MORN1: variants seen among roughly 807,000 people sequenced by gnomAD.
MORN1 encodes the protein MORN repeat containing 1, also known as MORN repeat-containing protein 1.
In MORN1, 67 loss-of-function variants were observed where a neutral mutation model predicts 61.9. The ratio of observed to expected loss-of-function variants is 1.08; its 90% CI spans 0.89 to 1.33. The LOEUF is 1.33. Ranked by LOEUF, MORN1 falls within the 40% of genes most tolerant of loss-of-function variation. The pLI is 0.00. For synonymous variants in MORN1, 301 were observed against 292.0 expected (o/e 1.03, Z -0.31); for missense variants, 752 against 691.2 (o/e 1.09, Z -0.99).
In MORN1 at chr1:2,324,038, G is replaced by A. The variant is rs3737636; in HGVS notation, c.1297+59C>T. On this transcript the variant is annotated intron_variant, in intron 13 of 13. Transcript: ENST00000378531. ...AACCCCACCTCCAGCCCTGGGCTGC[G>A]GCCTCGCCTCTCCAGACAGTGGCAC... The A allele has an allele frequency of 4.4e-5, 68 of 1,541,584 alleles. 1 individual carries two copies. Among genetic ancestry groups the A allele is most frequent in the East Asian group, 3.4e-4 (14 of 41,248 alleles).
At chr1:2,381,973 G>A (rs551181896) in intron 6 of MORN1, among the ~76,000 whole-genome samples, 5 of 152,160 alleles carry the variant, frequency 3.3e-5, no homozygotes, top group African/African-American at 1.2e-4. Flanking sequence ...GAGGGAGGGC[G>A]CCGTCCCTTG....
chr1:2,346,591 G>A (rs1641520312), intron 10 of MORN1, among the ~76,000 whole-genome samples: 1 of 152,130 alleles, frequency 6.6e-6, no homozygotes, highest in East Asian at 1.9e-4. Flanking sequence ...TTGCCATGTT[G>A]CCCAGGCTGG....
At chr1:2,333,258 C>T (rs1809821) in intron 12 of MORN1, among the ~76,000 whole-genome samples, 26,183 of 152,226 alleles carry the variant, frequency 0.17, 2,761 homozygotes, top group South Asian at 0.25. Flanking sequence ...TGCAACAGGC[C>T]GGGGACAGGC....
Position 2,329,195 on chromosome 1 carries a change from G to A in MORN1, c.1251-5052C>T, listed in dbSNP as rs527579280. ...ACGGCCGCCCTGCCCCAGCCCCTCC[G>A]TCTGCTGTGGGGTTATCATTCCACA... On this transcript the variant is annotated intron_variant, in intron 12 of 13. Coordinates refer to ENST00000378531, the MANE Select transcript of MORN1 (RefSeq NM_024848.3). Among the ~76,000 whole-genome samples, 169 of 152,246 alleles carry A rather than the reference G, an allele frequency of 1.1e-3. 1 individual carries two copies. The highest frequency in any genetic ancestry group is 3.9e-3 in the African/African-American group (161 of 41,548).
intron 8 of MORN1, 124 bp from the exon 9 acceptor site, chr1:2,358,839 G>T: frequency 8.1e-7 from 1 of 1,227,512 alleles, no homozygotes; most frequent in Non-Finnish European, 1.1e-6. Flanking sequence ...GCCAGTGGCT[G>T]TGACCCTGGT....
intron 13 of MORN1, chr1:2,322,328 G>A (rs920517036): frequency 6.1e-5 from 60 of 985,310 alleles, no homozygotes; most frequent in East Asian, 1.1e-4. Flanking sequence ...CGGCTGGCCC[G>A]GGCTCACACC....
Position 2,321,314 on chromosome 1 carries a change from A to T in MORN1, c.*69T>A, listed in dbSNP as rs186364345. On this transcript the variant is annotated 3_prime_UTR_variant, in exon 14 of 14. Transcript: ENST00000378531. ...ACGGGGCTCTGGAGAATCGGGGAGC[A>T]GAGTCACGCAAGCAGAGGCAGCGTT... 22 of 1,156,844 alleles carry T rather than the reference A, an allele frequency of 1.9e-5. No individual in the cohort carries two copies. Among genetic ancestry groups the T allele is most frequent in the Non-Finnish European group, 2.4e-5 (20 of 846,508 alleles). The allele number at this position is 1,156,844 out of a possible 1,614,324, so 71.7% of individuals were successfully genotyped here. A position where few individuals can be genotyped will look rare whatever the true frequency, so the allele number is the denominator to read the frequency against.
rs1641283418 is a variant in MORN1 at position 2,336,545 on chromosome 1, C to A, written c.1174G>T (p.Ala392Ser). 6.2e-7 allele frequency: 1 copy of A among 1,612,676 alleles called. No homozygotes were observed. Among genetic ancestry groups the A allele is most frequent in the Non-Finnish European group, 8.5e-7 (1 of 1,179,650 alleles). The stretch of plus-strand genomic sequence containing the variant: ...AGGCCGCCTCTGGATCTGCCGCCTG[C>A]CTTCTAGAAAGATTGGGCAGGAGGA... ...FLFLDSLHKKAGGRSRGGLHP... is the reference protein window; with the variant it reads ...FLFLDSLHKKSGGRSRGGLHP... Residue 392 changes from alanine (A) to serine (S), a missense_variant, in exon 12 of 14, where the codon GCA (alanine) becomes TCA (serine). Physicochemically the swap from Ala to Ser is moderately conservative, Grantham distance 99. Transcript: ENST00000378531.
chr1:2,324,267 T>C lies in MORN1; in HGVS notation c.1251-124A>G, dbSNP rs1357056472. The C allele has an allele frequency of 5.2e-6, 5 of 964,736 alleles. No homozygotes were observed. The Admixed American group carries it at 9.7e-5, about 19-fold the overall frequency. 59.8% of individuals were successfully genotyped at this position (964,736 alleles called of 1,614,324 possible). A position where few individuals can be genotyped will look rare whatever the true frequency, so the allele number is the denominator to read the frequency against. On this transcript the variant is annotated intron_variant, in intron 12 of 13. Transcript: ENST00000378531. Reference sequence around the variant, plus strand: ...TCAGGGCCCCAGCACAGCAGAGGCCTGCGAACCCCACCTCGGGGCCATGGG... The same window carrying C: ...TCAGGGCCCCAGCACAGCAGAGGCCCGCGAACCCCACCTCGGGGCCATGGG...
rs769942673 is a variant in MORN1 at position 2,385,810 on chromosome 1, A to C, written c.446T>G (p.Phe149Cys). ...NKRHGPGQML[F>C]QNGDKYDGDW... ...TACCCACAAGACTCATACTCACTGA[A>C]AGAGCATCTGCCCAGGGCCGTGCCT... The change falls in exon 5 of 14, where the codon TTT (phenylalanine) becomes TGT (cysteine). Residue 149 changes from phenylalanine (F) to cysteine (C), a missense_variant. Coordinates refer to ENST00000378531, the MANE Select transcript of MORN1 (RefSeq NM_024848.3). The C allele has an allele frequency of 1.9e-6, 3 of 1,613,706 alleles. No individual in the cohort carries two copies. Among genetic ancestry groups the C allele is most frequent in the Non-Finnish European group, 8.5e-7 (1 of 1,179,834 alleles).
At chr1:2,379,106 C>T (rs1642313229) in intron 6 of MORN1, 1 of 471,184 alleles carries the variant, frequency 2.1e-6, no homozygotes, top group Non-Finnish European at 4.4e-6. Context: ...GCAGAAAACA[C>T]ACCTGCTGTC....
intron 10 of MORN1, among the ~76,000 whole-genome samples, chr1:2,341,713 A>G (rs571763279): frequency 1.3e-3 from 192 of 152,232 alleles, no homozygotes; most frequent in African/African-American, 4.4e-3. Flanking sequence ...AAAAAAAAGA[A>G]AAAGAAAAGG....
At chr1:2,374,417 C>G in intron 7 of MORN1, 44 bp downstream of exon 7, 1 of 1,516,360 alleles carries the variant, frequency 6.6e-7, no homozygotes, top group Non-Finnish European at 9.0e-7. Context: ...GGACACACCC[C>G]ACAGTGGACC....
intron 10 of MORN1, among the ~76,000 whole-genome samples, chr1:2,345,036 G>A (rs1434273072): frequency 6.6e-6 from 1 of 152,002 alleles, no homozygotes; most frequent in East Asian, 1.9e-4. Flanking sequence ...AGCACTCATA[G>A]ATGACCATAT....
At chr1:2,374,206 G>A (rs891387397) in intron 7 of MORN1, among the ~76,000 whole-genome samples, 1 of 152,236 alleles carries the variant, frequency 6.6e-6, no homozygotes, top group African/African-American at 2.4e-5. Context: ...GGCCACTTGG[G>A]GGACAGCGCA....
chr1:2,352,440 T>C (rs1641670481), intron 10 of MORN1: 1 of 152,588 alleles, frequency 6.6e-6, no homozygotes, highest in South Asian at 2.1e-4. Context: ...GCCACTCTAG[T>C]GTTGTTTGCT....
At chr1:2,325,121 C>CCCTT (rs1241428480) in intron 12 of MORN1, among the ~76,000 whole-genome samples, 7 of 86,720 alleles carry the variant, frequency 8.1e-5, no homozygotes, top group Admixed American at 1.1e-4. Flanking sequence ...TCCCTTCCTT[C>CCCTT]CCTTCCTTCC....
intron 1 of MORN1, chr1:2,390,695 G>C: frequency 1.0e-6 from 1 of 985,186 alleles, no homozygotes; most frequent in Non-Finnish European, 1.2e-6. Flanking sequence ...TGTTAGCTCT[G>C]AGTTCATTCC....
intron 10 of MORN1, among the ~76,000 whole-genome samples, chr1:2,348,085 C>T (rs1360052728): frequency 1.3e-5 from 2 of 152,210 alleles, no homozygotes; most frequent in Admixed American, 1.3e-4. Context: ...AGCCTGGGAC[C>T]ACACATTGCA....
Sources: allele counts gnomAD v4.1 joint callset (sites outside exome capture counted in the v4.1 genomes callset), GRCh38; gene constraint gnomAD v4.1.1; transcripts MANE v1.5; gene names NCBI Gene and HGNC (gene_info 2026-07-23, HGNC 2026-07-21).